CLVS1: variants seen among roughly 807,000 people sequenced by gnomAD.
CLVS1 encodes the protein clavesin-1.
In CLVS1, 10 loss-of-function variants were observed where a neutral mutation model predicts 33.1. That is an observed-to-expected ratio of 0.30 (90% CI 0.19 to 0.51). The LOEUF is 0.51. Among genes scored for constraint, CLVS1 ranks in the 20% least tolerant of loss-of-function variants. CLVS1 has a pLI of 0.97. For synonymous variants in CLVS1, 163 were observed against 166.1 expected (o/e 0.98, Z 0.14); for missense variants, 343 against 433.4 (o/e 0.79, Z 1.85).
intron 2 of CLVS1, among the ~76,000 whole-genome samples, chr8:61,361,373 G>T (rs535463712): frequency 2.0e-5 from 3 of 152,358 alleles, no homozygotes; most frequent in African/African-American, 7.2e-5. Flanking sequence ...AACTGAAAGA[G>T]TCTGCCCTAC....
chr8:61,004,779 G>GC, the CLVS1 span, among the ~76,000 whole-genome samples: 5 of 152,214 alleles, frequency 3.3e-5, no homozygotes, highest in African/African-American at 1.2e-4. Flanking sequence ...CTCTGCCTGG[G>GC]CCCCGCGGTG....
At chr8:61,185,368 G>A (rs2129301521) in intron 2 of CLVS1, among the ~76,000 whole-genome samples, 1 of 149,234 alleles carries the variant, frequency 6.7e-6, no homozygotes, top group Non-Finnish European at 1.5e-5. Context: ...TGCCCAGGCT[G>A]GTCTTCAACT....
At chr8:61,037,084 G>T in the CLVS1 span, among the ~76,000 whole-genome samples, 183 of 152,314 alleles carry the variant, frequency 1.2e-3, 2 homozygotes, top group African/African-American at 4.3e-3. Flanking sequence ...GTACTGCCAT[G>T]AAACTAAAAA....
chr8:61,330,902 C>A (rs1186567392), intron 2 of CLVS1, among the ~76,000 whole-genome samples: 1 of 146,914 alleles, frequency 6.8e-6, no homozygotes, highest in African/African-American at 2.5e-5. Context: ...CCAGCCTGGG[C>A]AACATACTGA....
At chr8:61,333,309 C>T (rs1316318617) in intron 2 of CLVS1, among the ~76,000 whole-genome samples, 1 of 152,080 alleles carries the variant, frequency 6.6e-6, no homozygotes, top group Non-Finnish European at 1.5e-5. Context: ...AACTCCTTTA[C>T]GTATCAAAGC....
intron 2 of CLVS1, among the ~76,000 whole-genome samples, chr8:61,229,882 C>G (rs201381446): frequency 1.3e-5 from 2 of 152,210 alleles, no homozygotes; most frequent in African/African-American, 2.4e-5. Flanking sequence ...CCACCTTGGC[C>G]TCCCAAAGAG....
intron 3 of CLVS1, among the ~76,000 whole-genome samples, chr8:61,453,462 G>C (rs1464391539): frequency 6.6e-6 from 1 of 152,152 alleles, no homozygotes; most frequent in Non-Finnish European, 1.5e-5. Flanking sequence ...CTGCAGAAAA[G>C]GGTGCTCATA....
intron 2 of CLVS1, among the ~76,000 whole-genome samples, chr8:61,138,102 A>G (rs939913565): frequency 6.6e-6 from 1 of 152,212 alleles, no homozygotes; most frequent in Non-Finnish European, 1.5e-5. Flanking sequence ...AGAATAGAGT[A>G]TTTGGGGAAT....
the CLVS1 span, among the ~76,000 whole-genome samples, chr8:60,976,439 C>A: frequency 1.7e-4 from 26 of 152,092 alleles, no homozygotes; most frequent in Admixed American, 1.7e-3. Flanking sequence ...CTCACTGCAG[C>A]CTCCACCTCT....
rs16926928 is a variant in CLVS1 at position 61,142,639 on chromosome 8, C to T, written c.-152+10779C>T. 8.6e-3 allele frequency among the ~76,000 whole-genome samples: 1,311 copies of T among 152,296 alleles called. 25 individuals are homozygous for T. The highest frequency in any genetic ancestry group is 0.029 in the African/African-American group (1,200 of 41,548). ...CCTTTCTTTTTTGTAGCCTTTCTGC[C>T]TCTTACATTGAGTCCTGGCCTTCTG... On this transcript the variant is annotated intron_variant, in intron 2 of 2. Transcript: ENST00000522621.
At chr8:61,226,500 T>C (rs1437870973) in intron 2 of CLVS1, among the ~76,000 whole-genome samples, 3 of 152,238 alleles carry the variant, frequency 2.0e-5, no homozygotes, top group African/African-American at 7.2e-5. Context: ...AAGGTATTTT[T>C]CTCACATGAG....
intron 1 of CLVS1, among the ~76,000 whole-genome samples, chr8:61,122,432 G>C (rs1214820509): frequency 1.3e-5 from 2 of 152,066 alleles, no homozygotes; most frequent in African/African-American, 2.4e-5. Context: ...AGATTGCCAG[G>C]AAATCTGTCA....
At chr8:61,467,066 C>T (rs1296900927) in intron 5 of CLVS1, among the ~76,000 whole-genome samples, 4 of 152,160 alleles carry the variant, frequency 2.6e-5, no homozygotes, top group African/African-American at 9.7e-5. Flanking sequence ...TATGTATACA[C>T]ACAGATATAC....
intron 1 of CLVS1, among the ~76,000 whole-genome samples, chr8:61,092,153 G>A (rs1805262413): frequency 6.6e-6 from 1 of 152,194 alleles, no homozygotes; most frequent in Non-Finnish European, 1.5e-5. Flanking sequence ...TAATATCTAT[G>A]TTGTGAAGCC....
In CLVS1 at chr8:61,320,016, G is replaced by A. The variant is rs73682252; in HGVS notation, c.455+19734G>A. Among the ~76,000 whole-genome samples the A allele has an allele frequency of 8.9e-3, 1,352 of 151,470 alleles. 8 individuals are homozygous for A. The highest frequency in any genetic ancestry group is 0.029 in the African/African-American group (1,218 of 41,326). The stretch of plus-strand genomic sequence containing the variant: ...GTAACTGCATTTTTATCAATTTCTC[G>A]GTAGGTTTGCTTCCTTAAGTACTAT... On this transcript the variant is annotated intron_variant, in intron 2 of 5. Transcript: ENST00000325897.
intron 2 of CLVS1, among the ~76,000 whole-genome samples, chr8:61,352,053 T>C (rs1812492659): frequency 6.6e-6 from 1 of 152,036 alleles, no homozygotes; most frequent in South Asian, 2.1e-4. Context: ...TCTCATGAGT[T>C]TTATAAATCA....
At chr8:61,371,782 C>A (rs1813448649) in intron 2 of CLVS1, among the ~76,000 whole-genome samples, 1 of 152,162 alleles carries the variant, frequency 6.6e-6, no homozygotes, top group Admixed American at 6.5e-5. Flanking sequence ...GCCTCAGGTG[C>A]TTAACTCGTA....
intron 2 of CLVS1, among the ~76,000 whole-genome samples, chr8:61,229,876 C>T (rs1483374288): frequency 6.6e-6 from 1 of 152,208 alleles, no homozygotes; most frequent in Non-Finnish European, 1.5e-5. Flanking sequence ...ATCTGCCCAC[C>T]TTGGCCTCCC....
At chr8:61,163,453 A>G (rs1319814773) in intron 2 of CLVS1, among the ~76,000 whole-genome samples, 1 of 152,138 alleles carries the variant, frequency 6.6e-6, no homozygotes, top group Admixed American at 6.5e-5. Flanking sequence ...TTTGACTTAG[A>G]AAGACTCTAT....
Sources: allele counts gnomAD v4.1 joint callset (sites outside exome capture counted in the v4.1 genomes callset), GRCh38; gene constraint gnomAD v4.1.1; transcripts MANE v1.5; gene names NCBI Gene and HGNC (gene_info 2026-07-23, HGNC 2026-07-21).